The following PDGFC variants were observed in gnomAD, a reference collection of about 807,000 sequenced individuals.
The protein encoded by PDGFC is platelet-derived growth factor C.
In PDGFC, 12 loss-of-function variants were observed where a neutral mutation model predicts 35.5. The ratio of observed to expected loss-of-function variants is 0.34; its 90% CI spans 0.22 to 0.55. The LOEUF is 0.55. Among genes scored for constraint, PDGFC ranks in the 20% least tolerant of loss-of-function variants. The probability of loss-of-function intolerance (pLI) is 0.91; values close to 1 mark genes in which losing one functional copy is unlikely to be tolerated. For synonymous variants in PDGFC, 159 were observed against 148.8 expected (o/e 1.07, Z -0.50); for missense variants, 322 against 412.4 (o/e 0.78, Z 1.90).
At chr4:156,945,723 G>A (rs1298999686) in intron 1 of PDGFC, among the ~76,000 whole-genome samples, 1 of 151,852 alleles carries the variant, frequency 6.6e-6, no homozygotes, top group African/African-American at 2.4e-5. Flanking sequence ...TCATAATCTT[G>A]CAAAAAGCAC....
chr4:156,830,243 T>C (rs1013911530), intron 2 of PDGFC, among the ~76,000 whole-genome samples: 17 of 150,630 alleles, frequency 1.1e-4, no homozygotes, highest in African/African-American at 4.2e-4. Flanking sequence ...AAGACAGGAA[T>C]TGCATTAAAA....
At chr4:156,766,830 G>A (rs761346381) in intron 5 of PDGFC, among the ~76,000 whole-genome samples, 7 of 151,988 alleles carry the variant, frequency 4.6e-5, no homozygotes, top group Admixed American at 1.3e-4. Flanking sequence ...CACTGGATTC[G>A]CGAAGACAAG....
chr4:156,791,880 C>A (rs1303795252), intron 3 of PDGFC, among the ~76,000 whole-genome samples: 1 of 152,134 alleles, frequency 6.6e-6, no homozygotes, highest in Non-Finnish European at 1.5e-5. Flanking sequence ...GTGGTAACAG[C>A]AATGTTAACA....
chr4:156,860,468 T>C (rs1301192973), intron 1 of PDGFC, among the ~76,000 whole-genome samples: 3 of 152,154 alleles, frequency 2.0e-5, no homozygotes, highest in Non-Finnish European at 4.4e-5. Flanking sequence ...TTCTCCACTA[T>C]GTTCCTTATA....
intron 1 of PDGFC, among the ~76,000 whole-genome samples, chr4:156,948,622 A>C (rs1446077770): frequency 6.6e-6 from 1 of 152,032 alleles, no homozygotes. Context: ...CTAATATAGT[A>C]GTAATATAAG....
intron 1 of PDGFC, among the ~76,000 whole-genome samples, chr4:156,951,731 GAA>G (rs776491759): frequency 0.02 from 2,171 of 110,750 alleles, 53 homozygotes; most frequent in African/African-American, 0.062. Flanking sequence ...CTACCTTATA[GAA>G]AAAAAAAAAA....
rs60370888 is a variant in PDGFC at position 156,871,149 on chromosome 4, T to C, written c.119-20733A>G. On this transcript the variant is annotated intron_variant, in intron 1 of 5. Coordinates refer to ENST00000502773, the MANE Select transcript of PDGFC (RefSeq NM_016205.3). Reference sequence around the variant, plus strand: ...CTCAGTTTATAGGAGCAGCTGCAACTTCTATTAGTAGATGCCAAGACAGGG... The same window carrying C: ...CTCAGTTTATAGGAGCAGCTGCAACCTCTATTAGTAGATGCCAAGACAGGG... Among the ~76,000 whole-genome samples, 1,240 of 152,196 alleles carry C rather than the reference T, an allele frequency of 8.1e-3. 17 individuals are homozygous for C. The highest frequency in any genetic ancestry group is 0.028 in the African/African-American group (1,165 of 41,538).
intron 3 of PDGFC, among the ~76,000 whole-genome samples, chr4:156,809,122 T>C (rs4691381): frequency 0.32 from 48,657 of 151,830 alleles, 8,911 homozygotes; most frequent in South Asian, 0.55. Context: ...CAGCCCAGAA[T>C]AGGTCAATGT....
chr4:156,822,868 C>T lies in PDGFC; in HGVS notation c.315-11851G>A, dbSNP rs181197402. On this transcript the variant is annotated intron_variant, in intron 2 of 5. Coordinates refer to ENST00000502773, the MANE Select transcript of PDGFC (RefSeq NM_016205.3). Reference sequence around the variant, plus strand: ...CCTTGCAACCTTCGCCTCCCAGGTTCAAGCGATTCTCCTGCCTCAGCCTCC... The same window carrying T: ...CCTTGCAACCTTCGCCTCCCAGGTTTAAGCGATTCTCCTGCCTCAGCCTCC... Among the ~76,000 whole-genome samples the T allele has an allele frequency of 5.3e-5, 8 of 152,184 alleles. No homozygotes were observed. The East Asian group carries it at 1.6e-3, about 30-fold the overall frequency.
intron 1 of PDGFC, among the ~76,000 whole-genome samples, chr4:156,904,795 T>A (rs1730874644): frequency 6.6e-6 from 1 of 151,952 alleles, no homozygotes; most frequent in African/African-American, 2.4e-5. Context: ...TTTTTGGCAC[T>A]CATTACCAAC....
At chr4:156,907,703 G>T (rs1279049515) in intron 1 of PDGFC, among the ~76,000 whole-genome samples, 1 of 152,296 alleles carries the variant, frequency 6.6e-6, no homozygotes, top group East Asian at 1.9e-4. Context: ...GCAGGCATGT[G>T]CTAGGCATTC....
chr4:156,773,590 T>A (rs541143395), intron 3 of PDGFC: 9 of 152,204 alleles, frequency 5.9e-5, no homozygotes, highest in African/African-American at 1.9e-4. Context: ...ATATTACAGA[T>A]AAAAAGCTTG....
chr4:156,823,806 A>C (rs1732339532), intron 2 of PDGFC, among the ~76,000 whole-genome samples: 1 of 152,220 alleles, frequency 6.6e-6, no homozygotes, highest in African/African-American at 2.4e-5. Context: ...CAGTATTCAC[A>C]GTAACTATGA....
Position 156,870,485 on chromosome 4 carries a change from T to C in PDGFC, c.119-20069A>G, listed in dbSNP as rs184535663. Among the ~76,000 whole-genome samples the C allele has an allele frequency of 5.8e-3, 884 of 152,290 alleles. 5 individuals are homozygous for C. The highest frequency in any genetic ancestry group is 0.02 in the African/African-American group (817 of 41,582). ...TGATATATTATTATCTTCTACTTCA[T>C]AGAGAGTTTCCTTTATTCTGTTTCT... On this transcript the variant is annotated intron_variant, in intron 1 of 5. Transcript: ENST00000502773.
chr4:156,909,145 T>A (rs1040533164), intron 1 of PDGFC, among the ~76,000 whole-genome samples: 1 of 152,154 alleles, frequency 6.6e-6, no homozygotes, highest in African/African-American at 2.4e-5. Context: ...TTTGAGATAA[T>A]GAAAATATTC....
rs1300684521 is a variant in PDGFC, at chr4:156,810,976, A to G, written c.356T>C (p.Ile119Thr). The G allele has an allele frequency of 6.3e-7, 1 of 1,599,270 alleles. No individual in the cohort carries two copies. The highest frequency in any genetic ancestry group is 2.2e-5 in the East Asian group (1 of 44,696). The part of the protein sequence containing the change: ...VEVEEPSDGT[I>T]LGRWCGSGTV... ...ACCAGAACCACACCAGCGCCCTAAT[A>G]TAGTTCCATCACTGGGTTCCTCAAC... Residue 119 changes from isoleucine (I) to threonine (T), a missense_variant, in exon 3 of 6, where the codon ATA becomes ACA. By Grantham distance (89) the Ile-to-Thr change is moderately conservative. Coordinates refer to ENST00000502773, the MANE Select transcript of PDGFC (RefSeq NM_016205.3).
chr4:156,882,490 G>A (rs534361478), intron 1 of PDGFC, among the ~76,000 whole-genome samples: 5 of 152,090 alleles, frequency 3.3e-5, no homozygotes, highest in Admixed American at 6.6e-5. Context: ...ACCTAAGAAA[G>A]ATTTCAAAAA....
rs146002609 is a variant in PDGFC, at chr4:156,904,540, A to G, written c.119-54124T>C. On this transcript the variant is annotated intron_variant, in intron 1 of 5. Coordinates refer to ENST00000502773, the MANE Select transcript of PDGFC (RefSeq NM_016205.3). ...CGAAACACTAGTTCCCTCATTTACA[A>G]GATCCAAATAAGAATGAATAATCTC... 2.7e-3 allele frequency among the ~76,000 whole-genome samples: 406 copies of G among 152,252 alleles called. 4 individuals are homozygous for G. The highest frequency in any genetic ancestry group is 9.5e-3 in the African/African-American group (393 of 41,574).
chr4:156,888,545 G>T (rs1330036871), intron 1 of PDGFC, among the ~76,000 whole-genome samples: 1 of 152,040 alleles, frequency 6.6e-6, no homozygotes, highest in African/African-American at 2.4e-5. Flanking sequence ...CTATTATCAA[G>T]AAATCTTTCT....
Sources: allele counts gnomAD v4.1 joint callset (sites outside exome capture counted in the v4.1 genomes callset), GRCh38; gene constraint gnomAD v4.1.1; transcripts MANE v1.5; gene names NCBI Gene and HGNC (gene_info 2026-07-23, HGNC 2026-07-21).